The following C12orf56 variants were observed in gnomAD, a reference collection of about 807,000 sequenced individuals.
C12orf56 encodes uncharacterized protein C12orf56.
In C12orf56, 71 loss-of-function variants were observed where a neutral mutation model predicts 69.9. The observed-to-expected ratio is 1.02, with a 90% CI of 0.84 to 1.24. The LOEUF is 1.24. Among genes scored for constraint, C12orf56 ranks in the 50% most tolerant of loss-of-function variants. The pLI, the probability that C12orf56 is intolerant of heterozygous loss-of-function variation, is 0.00. For synonymous variants in C12orf56, 276 were observed against 274.1 expected, an observed-to-expected ratio of 1.01 and a Z score of -0.07; for missense variants, 732 against 738.5, an observed-to-expected ratio of 0.99 and a Z score of 0.10.
chr12:64,359,259 T>C (rs1246888824), intron 1 of C12orf56, among the ~76,000 whole-genome samples: 2 of 152,186 alleles, frequency 1.3e-5, no homozygotes, highest in Non-Finnish European at 2.9e-5. Flanking sequence ...ATTATATTTC[T>C]CCATGACTTT....
intron 1 of C12orf56, chr12:64,355,735 A>G (rs2039302399): frequency 6.6e-6 from 1 of 152,248 alleles, no homozygotes; most frequent in Admixed American, 6.5e-5. Flanking sequence ...GTGTATATAC[A>G]TATAGTTTTG....
At chr12:64,352,743 T>G (rs900044297) in intron 2 of C12orf56, 151 bp downstream of exon 2, 38 of 574,666 alleles carry the variant, frequency 6.6e-5, no homozygotes, top group Admixed American at 4.1e-5. Context: ...CATCTTTCAA[T>G]GTGTCCCCAT....
chr12:64,333,536 C>G lies in C12orf56; in HGVS notation c.416-2504G>C, dbSNP rs77172203. ...TTATTTTTTTGAGAAGAGTCTCACT[C>G]TGTCGCCCAGGCTGGAGTGCAGTGG... is the stretch of plus-strand genomic sequence containing the variant. On this transcript the variant is annotated intron_variant, in intron 2 of 12. Transcript: ENST00000543942. Among the ~76,000 whole-genome samples, 301 of 152,146 alleles carry G rather than the reference C, an allele frequency of 2.0e-3. 1 individual carries two copies. Among genetic ancestry groups the G allele is most frequent in the African/African-American group, 6.9e-3 (285 of 41,508 alleles).
At chr12:64,357,660 G>C (rs1469976318) in intron 1 of C12orf56, among the ~76,000 whole-genome samples, 2 of 152,006 alleles carry the variant, frequency 1.3e-5, no homozygotes, top group African/African-American at 4.8e-5. Context: ...AGTTTCGGAG[G>C]CCAAGGCAGG....
intron 4 of C12orf56, 98 bp downstream of exon 4, chr12:64,318,477 T>A: frequency 9.3e-7 from 1 of 1,076,320 alleles, no homozygotes; most frequent in Non-Finnish European, 1.3e-6. Flanking sequence ...CAAGGCTAAA[T>A]TTCCAAAATG....
chr12:64,313,255 C>A, intron 4 of C12orf56, among the ~76,000 whole-genome samples: 1 of 29,214 alleles, frequency 3.4e-5, no homozygotes, highest in Admixed American at 4.7e-4. Context: ...GAGCGAGACT[C>A]TGTCTCAAAA....
At chr12:64,305,327 AT>A (rs2038497240) in intron 5 of C12orf56, among the ~76,000 whole-genome samples, 2 of 152,240 alleles carry the variant, frequency 1.3e-5, no homozygotes, top group African/African-American at 4.8e-5. Context: ...CAATTTCCTC[AT>A]GTGTAAAATA....
In C12orf56 at chr12:64,352,999, G is replaced by T; in HGVS notation, c.310C>A (p.Arg104Ser). 6.2e-7 allele frequency: 1 copy of T among 1,612,240 alleles called. No homozygotes were observed. Among genetic ancestry groups the T allele is most frequent in the Non-Finnish European group, 8.5e-7 (1 of 1,179,480 alleles). Residue 104 changes from arginine (R) to serine (S), a missense_variant, in exon 2 of 13, where the codon CGT (arginine) becomes AGT (serine). Transcript: ENST00000543942. Reference sequence around the variant, plus strand: ...AAAACGGTTGAAGAATAGATGATACGAATGTGTTGGCTGATTTCTCTATCT... The same window carrying T: ...AAAACGGTTGAAGAATAGATGATACTAATGTGTTGGCTGATTTCTCTATCT... ...SPDREISQHI[R>S]IIYSSTVLKK... is the part of the protein sequence containing the mutation.
intron 5 of C12orf56, among the ~76,000 whole-genome samples, chr12:64,305,770 G>A (rs1227709435): frequency 1.3e-5 from 2 of 152,186 alleles, no homozygotes; most frequent in East Asian, 3.8e-4. Context: ...ACAGGAATAA[G>A]TTTGAGATCC....
chr12:64,325,926 C>G (rs1276652806), intron 3 of C12orf56, among the ~76,000 whole-genome samples: 4 of 152,138 alleles, frequency 2.6e-5, no homozygotes, highest in Non-Finnish European at 5.9e-5. Flanking sequence ...TCACTGACTC[C>G]AGGAAGGATC....
intron 1 of C12orf56, among the ~76,000 whole-genome samples, chr12:64,372,654 C>G (rs1202955475): frequency 6.6e-6 from 1 of 152,142 alleles, no homozygotes; most frequent in African/African-American, 2.4e-5. Context: ...GCTGGGATTA[C>G]AGGCACACAC....
intron 2 of C12orf56, among the ~76,000 whole-genome samples, chr12:64,350,093 GAAAA>G (rs200890156): frequency 0.32 from 37,888 of 119,368 alleles, 5,438 homozygotes; most frequent in Middle Eastern, 0.44. Context: ...CTCAGTCTCA[GAAAA>G]AAAAAAAAAA....
intron 8 of C12orf56, among the ~76,000 whole-genome samples, chr12:64,278,866 G>A (rs572703798): frequency 6.6e-6 from 1 of 152,226 alleles, no homozygotes; most frequent in South Asian, 2.1e-4. Flanking sequence ...AGTCAAACTC[G>A]TATTTGTCTT....
intron 1 of C12orf56, among the ~76,000 whole-genome samples, chr12:64,375,624 C>A (rs1322575981): frequency 6.6e-6 from 1 of 152,126 alleles, no homozygotes; most frequent in African/African-American, 2.4e-5. Context: ...AAATTAAGAG[C>A]AATCATCAAA....
chr12:64,303,300 C>T (rs1295505557), intron 6 of C12orf56, among the ~76,000 whole-genome samples: 2 of 149,528 alleles, frequency 1.3e-5, no homozygotes, highest in East Asian at 3.9e-4. Flanking sequence ...ACAAAAACTT[C>T]TTAAAATCTA....
At chr12:64,330,101 C>T (rs1231041456) in intron 3 of C12orf56, among the ~76,000 whole-genome samples, 5 of 152,196 alleles carry the variant, frequency 3.3e-5, no homozygotes, top group Non-Finnish European at 7.3e-5. Context: ...GGACTCGCCA[C>T]ACTGACTTCC....
intron 4 of C12orf56, among the ~76,000 whole-genome samples, chr12:64,316,894 G>C (rs2038697732): frequency 6.6e-6 from 1 of 152,182 alleles, no homozygotes; most frequent in South Asian, 2.1e-4. Flanking sequence ...AGCTTAGCAG[G>C]TAATGAGTCC....
At chr12:64,310,857 A>C (rs986899620) in intron 5 of C12orf56, among the ~76,000 whole-genome samples, 4 of 151,826 alleles carry the variant, frequency 2.6e-5, no homozygotes, top group South Asian at 2.1e-4. Flanking sequence ...TCCTAATGCT[A>C]TCCCTCCCCC....
intron 6 of C12orf56, among the ~76,000 whole-genome samples, chr12:64,294,176 C>A (rs1178501103): frequency 2.7e-5 from 4 of 150,454 alleles, no homozygotes; most frequent in Non-Finnish European, 3.0e-5. Flanking sequence ...AAAAAAAAAA[C>A]ACAAAATAGC....
Sources: gnomAD v4.1 joint callset for allele counts (sites outside exome capture counted in the v4.1 genomes callset) on GRCh38, gnomAD v4.1.1 for gene constraint, MANE v1.5 for transcripts, NCBI Gene and HGNC (gene_info 2026-07-23, HGNC 2026-07-21) for gene names.